The following CADM2 variants were observed in gnomAD, a reference collection of about 807,000 sequenced individuals.
CADM2 encodes the protein cell adhesion molecule 2, also known as immunoglobulin superfamily member 4D.
In CADM2, 12 loss-of-function variants were observed where a neutral mutation model predicts 49.8. The ratio of observed to expected loss-of-function variants is 0.24; its 90% CI spans 0.15 to 0.39. CADM2 has a LOEUF of 0.39. Ranked by LOEUF, CADM2 falls within the 10% of genes least tolerant of loss-of-function variation. The pLI is 1.00. For synonymous variants in CADM2, 214 were observed against 175.4 expected, an observed-to-expected ratio of 1.22 and a Z score of -1.74; for missense variants, 378 against 492.3, an observed-to-expected ratio of 0.77 and a Z score of 2.20.
intron 1 of CADM2, among the ~76,000 whole-genome samples, chr3:85,364,011 A>G (rs1283222457): frequency 6.6e-6 from 1 of 152,228 alleles, no homozygotes; most frequent in Non-Finnish European, 1.5e-5. Flanking sequence ...TCATTATAAT[A>G]TGTAACAACA....
chr3:86,013,816 G>A (rs1731850507), intron 8 of CADM2: 6 of 1,589,384 alleles, frequency 3.8e-6, no homozygotes, highest in Non-Finnish European at 5.2e-6. Flanking sequence ...AAGCATTGTC[G>A]TGGTCAGGCT....
chr3:85,760,177 G>A (rs1479271780), intron 2 of CADM2, among the ~76,000 whole-genome samples: 3 of 152,026 alleles, frequency 2.0e-5, no homozygotes, highest in Non-Finnish European at 4.4e-5. Context: ...TGAAAGAAAT[G>A]TTTTTCTAAA....
At position 85,625,810 on chromosome 3, in the gene CADM2, T is replaced by C. The variant is rs908277269; in HGVS notation, c.62-100712T>C. 7.2e-5 allele frequency among the ~76,000 whole-genome samples: 11 copies of C among 152,090 alleles called. 1 individual carries two copies. In the East Asian group the frequency reaches 2.1e-3, roughly 29 times the overall value. On this transcript the variant is annotated intron_variant, in intron 1 of 9. Coordinates refer to ENST00000383699, the MANE Select transcript of CADM2 (RefSeq NM_001167675.2). Reference sequence around the variant, plus strand: ...ATCAAAATAAAGTTTCTCCCTGCTTTTCTCTAATTAAAAATAAAGCATTGA... The same window carrying C: ...ATCAAAATAAAGTTTCTCCCTGCTTCTCTCTAATTAAAAATAAAGCATTGA...
intron 1 of CADM2, among the ~76,000 whole-genome samples, chr3:85,257,795 T>A (rs534542053): frequency 6.6e-6 from 1 of 152,222 alleles, no homozygotes; most frequent in East Asian, 1.9e-4. Context: ...TCTTTTTTAT[T>A]TCCAAGAGTT....
chr3:85,352,008 T>C (rs1282136274), intron 1 of CADM2, among the ~76,000 whole-genome samples: 1 of 152,106 alleles, frequency 6.6e-6, no homozygotes, highest in Non-Finnish European at 1.5e-5. Flanking sequence ...AGAAATACTG[T>C]TTAAGTCATA....
intron 1 of CADM2, among the ~76,000 whole-genome samples, chr3:85,571,408 TG>T (rs900799319): frequency 4.8e-5 from 5 of 103,688 alleles, no homozygotes; most frequent in African/African-American, 1.0e-4. Flanking sequence ...ATTGTCCAGA[TG>T]TTTTTTTTTT....
chr3:85,764,254 A>G (rs1311641811), intron 2 of CADM2, among the ~76,000 whole-genome samples: 1 of 152,176 alleles, frequency 6.6e-6, no homozygotes, highest in Non-Finnish European at 1.5e-5. Flanking sequence ...ACATGGTGAT[A>G]CACTATAAAG....
At chr3:85,457,447 G>T (rs1422929401) in intron 1 of CADM2, among the ~76,000 whole-genome samples, 1 of 151,910 alleles carries the variant, frequency 6.6e-6, no homozygotes, top group Non-Finnish European at 1.5e-5. Flanking sequence ...GATTTATTAT[G>T]AATTTCTTAT....
At chr3:85,633,369 T>C (rs1462380588) in intron 1 of CADM2, among the ~76,000 whole-genome samples, 3 of 152,100 alleles carry the variant, frequency 2.0e-5, no homozygotes, top group Non-Finnish European at 4.4e-5. Flanking sequence ...TGATAATGCT[T>C]ATATTGGAAA....
chr3:85,910,370 T>A (rs916674978), intron 5 of CADM2, among the ~76,000 whole-genome samples: 1 of 152,090 alleles, frequency 6.6e-6, no homozygotes, highest in African/African-American at 2.4e-5. Flanking sequence ...AAGCAACATA[T>A]TTGTATAAAT....
At chr3:84,978,042 G>A (rs1001939273) in intron 1 of CADM2, among the ~76,000 whole-genome samples, 3 of 152,052 alleles carry the variant, frequency 2.0e-5, no homozygotes, top group South Asian at 4.1e-4. Flanking sequence ...AAAATACATA[G>A]AGTAAATTAG....
At chr3:85,179,353 A>G (rs1393243982) in intron 1 of CADM2, among the ~76,000 whole-genome samples, 4 of 152,066 alleles carry the variant, frequency 2.6e-5, no homozygotes, top group African/African-American at 9.6e-5. Context: ...GTGTATATGT[A>G]TAAAGAATGT....
At position 86,065,796 on chromosome 3, in the gene CADM2, T is replaced by C. The variant is rs1739237701; in HGVS notation, c.1096+66T>C. 2.0e-6 allele frequency: 3 copies of C among 1,532,114 alleles called. No homozygotes were observed. The South Asian group carries it at 3.6e-5, about 18-fold the overall frequency. 94.9% of individuals were successfully genotyped at this position (1,532,114 alleles called of 1,614,324 possible). A position where few individuals can be genotyped will look rare whatever the true frequency, so the allele number is the denominator to read the frequency against. ...ATTCTAGACTAACTTCATTATAAAA[T>C]ATGATATCAGTGCATATATGTTTCT... On this transcript the variant is annotated intron_variant, in intron 9 of 9. Transcript: ENST00000383699.
At chr3:86,024,784 G>A (rs1368326762) in intron 8 of CADM2, among the ~76,000 whole-genome samples, 4 of 151,934 alleles carry the variant, frequency 2.6e-5, no homozygotes, top group African/African-American at 9.7e-5. Context: ...AAAAATGAAG[G>A]ATGCTCTATT....
intron 1 of CADM2, among the ~76,000 whole-genome samples, chr3:85,428,102 T>C (rs555471385): frequency 6.6e-6 from 1 of 151,780 alleles, no homozygotes; most frequent in East Asian, 1.9e-4. Context: ...CCATAATTAG[T>C]GTGATGCTGG....
chr3:84,979,839 T>A (rs2032059426), intron 1 of CADM2, among the ~76,000 whole-genome samples: 3 of 152,092 alleles, frequency 2.0e-5, no homozygotes, highest in Admixed American at 2.0e-4. Context: ...AATTTTTCCA[T>A]CTTTCTTGGA....
chr3:85,460,279 G>GAA (rs71108293), intron 1 of CADM2, among the ~76,000 whole-genome samples: 5 of 150,384 alleles, frequency 3.3e-5, no homozygotes, highest in African/African-American at 7.3e-5. Context: ...GGGAGGTTCA[G>GAA]AAAAAAAAAT....
At chr3:85,138,812 A>C (rs771306085) in intron 1 of CADM2, among the ~76,000 whole-genome samples, 1 of 152,172 alleles carries the variant, frequency 6.6e-6, no homozygotes, top group Non-Finnish European at 1.5e-5. Flanking sequence ...ATTTTGCCCA[A>C]CACGTTCACA....
chr3:85,302,278 C>T (rs865918641), intron 1 of CADM2, among the ~76,000 whole-genome samples: 16 of 151,954 alleles, frequency 1.1e-4, no homozygotes, highest in African/African-American at 3.6e-4. Context: ...TTTTTATTAA[C>T]ACTTCAGCCT....
Sources: allele counts gnomAD v4.1 joint callset (sites outside exome capture counted in the v4.1 genomes callset), GRCh38; gene constraint gnomAD v4.1.1; transcripts MANE v1.5; gene names NCBI Gene and HGNC (gene_info 2026-07-23, HGNC 2026-07-21).